Variants in EXOC2 observed in about 807,000 individuals in gnomAD.
EXOC2 encodes the protein SEC5-like 1.
A neutral mutation model predicts 131.8 loss-of-function variants in EXOC2; 70 were observed. That is an observed-to-expected ratio of 0.53 (90% CI 0.44 to 0.65). EXOC2 has a LOEUF of 0.65. Among genes scored for constraint, EXOC2 ranks in the 30% least tolerant of loss-of-function variants. The pLI is 0.00. For synonymous variants in EXOC2, 411 were observed against 398.4 expected (o/e 1.03, Z -0.38); for missense variants, 923 against 1,108.6 (o/e 0.83, Z 2.38).
At chr6:671,564 T>C (rs1323246274) in intron 1 of EXOC2, among the ~76,000 whole-genome samples, 3 of 152,202 alleles carry the variant, frequency 2.0e-5, no homozygotes, top group Non-Finnish European at 2.9e-5. Context: ...ATTTGACCTA[T>C]ATCATTTTGC....
chr6:589,301 G>A (rs191805478), intron 11 of EXOC2, among the ~76,000 whole-genome samples: 34 of 152,150 alleles, frequency 2.2e-4, no homozygotes, highest in Admixed American at 1.6e-3. Flanking sequence ...GCGTCTCAAT[G>A]CCGATCCAGA....
At chr6:507,358 C>CCACACACACA (rs59493114) in intron 23 of EXOC2, among the ~76,000 whole-genome samples, 1 of 131,336 alleles carries the variant, frequency 7.6e-6, no homozygotes, top group Non-Finnish European at 1.6e-5. Context: ...AGCAGTGACC[C>CCACACACACA]CACACACACA....
At chr6:494,311 C>G (rs1420966045) in intron 25 of EXOC2, among the ~76,000 whole-genome samples, 1 of 152,140 alleles carries the variant, frequency 6.6e-6, no homozygotes, top group African/African-American at 2.4e-5. Context: ...ACAGTGAATG[C>G]CTGTTTACTC....
intron 23 of EXOC2, among the ~76,000 whole-genome samples, chr6:503,670 C>T (rs1044786471): frequency 1.4e-4 from 21 of 152,034 alleles, no homozygotes; most frequent in Admixed American, 3.3e-4. Flanking sequence ...AGTCCTTAAA[C>T]GGTTAAAGAA....
At chr6:546,578 A>C (rs72835938) in intron 22 of EXOC2, among the ~76,000 whole-genome samples, 5,588 of 152,244 alleles carry the variant, frequency 0.037, 145 homozygotes, top group Non-Finnish European at 0.057. Context: ...CACCCCTGAC[A>C]CAGCAAGACC....
At chr6:565,142 C>T (rs745752204) in intron 13 of EXOC2, among the ~76,000 whole-genome samples, 11 of 152,180 alleles carry the variant, frequency 7.2e-5, no homozygotes, top group Non-Finnish European at 1.3e-4. Flanking sequence ...AAAACCTTTA[C>T]GTACAATTCC....
intron 23 of EXOC2, among the ~76,000 whole-genome samples, chr6:515,181 T>C (rs1350414718): frequency 1.3e-5 from 2 of 152,164 alleles, no homozygotes; most frequent in Non-Finnish European, 2.9e-5. Context: ...AAGAATTACT[T>C]TTCCCTTGCC....
rs373890122 is a variant in EXOC2, at chr6:564,538, T to G, written c.1667+7A>C. Reference sequence around the variant, plus strand: ...ACGCCTTTCTCTGAGAATGTGTCCATACTCACCTTACAGTCTGGATGGCGT... The same window carrying G: ...ACGCCTTTCTCTGAGAATGTGTCCAGACTCACCTTACAGTCTGGATGGCGT... On this transcript the variant is annotated splice_region_variant and intron_variant, in intron 15 of 27. Transcript: ENST00000230449. The G allele has an allele frequency of 5.3e-5, 86 of 1,614,070 alleles. No homozygotes were observed. The highest frequency in any genetic ancestry group is 7.1e-5 in the Non-Finnish European group (84 of 1,180,048).
chr6:504,795 G>A (rs1304583795), intron 23 of EXOC2, among the ~76,000 whole-genome samples: 4 of 152,170 alleles, frequency 2.6e-5, no homozygotes, highest in Non-Finnish European at 5.9e-5. Context: ...TCTATCATGT[G>A]CTGGGCATCA....
chr6:656,707 G>A, intron 1 of EXOC2: 1 of 1,603,648 alleles, frequency 6.2e-7, no homozygotes, highest in Non-Finnish European at 8.5e-7. Flanking sequence ...GTCAGCTCCA[G>A]GTGGATCTCA....
intron 25 of EXOC2, among the ~76,000 whole-genome samples, chr6:492,277 G>T (rs1763479655): frequency 6.6e-6 from 1 of 152,202 alleles, no homozygotes; most frequent in South Asian, 2.1e-4. Flanking sequence ...TAATGGTGAG[G>T]ATGTAGAGAC....
At chr6:576,733 G>A in intron 12 of EXOC2, 24 bp downstream of exon 12, 1 of 1,609,890 alleles carries the variant, frequency 6.2e-7, no homozygotes, top group Non-Finnish European at 8.5e-7. Context: ...AAAAGACCCA[G>A]TGGCAGTGGA....
chr6:670,996 C>T (rs1330106956), intron 1 of EXOC2, among the ~76,000 whole-genome samples: 1 of 148,962 alleles, frequency 6.7e-6, no homozygotes, highest in African/African-American at 2.5e-5. Context: ...AGAAGGACCA[C>T]CTAAGCCCAG....
chr6:600,838 AT>A (rs1337462079), intron 7 of EXOC2, among the ~76,000 whole-genome samples: 1 of 152,234 alleles, frequency 6.6e-6, no homozygotes, highest in Non-Finnish European at 1.5e-5. Flanking sequence ...TGAAAATTTT[AT>A]GTGAATACTG....
intron 17 of EXOC2, among the ~76,000 whole-genome samples, chr6:560,683 G>C (rs961352331): frequency 6.6e-6 from 1 of 151,882 alleles, no homozygotes; most frequent in African/African-American, 2.4e-5. Context: ...GTGACGAATA[G>C]AAACCCAATC....
At chr6:632,405 A>G (rs923601786) in intron 3 of EXOC2, among the ~76,000 whole-genome samples, 3 of 152,242 alleles carry the variant, frequency 2.0e-5, no homozygotes, top group Admixed American at 2.0e-4. Flanking sequence ...AACGGAAGGC[A>G]GCAAGTGGTC....
In EXOC2 at chr6:529,118, C is replaced by CG. The variant is rs201971650; in HGVS notation, c.2380+3350_2380+3351insC. On this transcript the variant is annotated intron_variant, in intron 23 of 27. Coordinates refer to ENST00000230449, the MANE Select transcript of EXOC2 (RefSeq NM_018303.6). ...TAGCCCGGCATCGCCTGCCTTTTAC[C>CG]CCCCCCCGCGCCCTGGTTACTGCTC... 5.2e-4 allele frequency among the ~76,000 whole-genome samples: 57 copies of CG among 110,288 alleles called. 1 individual carries two copies. Among genetic ancestry groups the CG allele is most frequent in the Middle Eastern group, 8.3e-3 (2 of 240 alleles). 72.4% of individuals were successfully genotyped at this position (110,288 alleles called of 152,430 possible). A position where few individuals can be genotyped will look rare whatever the true frequency, so the allele number is the denominator to read the frequency against.
chr6:646,147 G>C (rs904718650), intron 1 of EXOC2, among the ~76,000 whole-genome samples: 1 of 152,100 alleles, frequency 6.6e-6, no homozygotes, highest in African/African-American at 2.4e-5. Flanking sequence ...CCTCATGTTT[G>C]TCTGTTTCAA....
chr6:516,890 C>T (rs1765192102), intron 23 of EXOC2, among the ~76,000 whole-genome samples: 1 of 152,194 alleles, frequency 6.6e-6, no homozygotes, highest in Non-Finnish European at 1.5e-5. Context: ...ACAGAAGAAA[C>T]ACACACACCT....
Sources: allele counts gnomAD v4.1 joint callset (sites outside exome capture counted in the v4.1 genomes callset), GRCh38; gene constraint gnomAD v4.1.1; transcripts MANE v1.5; gene names NCBI Gene and HGNC (gene_info 2026-07-23, HGNC 2026-07-21).